The following LRRC4C variants were observed in gnomAD, a reference collection of about 807,000 sequenced individuals.
LRRC4C encodes leucine rich repeat containing 4C, also known as leucine-rich repeat-containing protein 4C.
Under a neutral mutation model 33.6 loss-of-function variants are expected in LRRC4C, and 5 were observed. The observed-to-expected ratio is 0.15, with a 90% confidence interval of 0.08 to 0.31. The LOEUF is 0.31. Ranked by LOEUF, LRRC4C falls within the 10% of genes least tolerant of loss-of-function variation. LRRC4C has a pLI of 1.00. For synonymous variants in LRRC4C, 329 were observed against 302.0 expected, an observed-to-expected ratio of 1.09 and a Z score of -0.93; for missense variants, 560 against 796.7, an observed-to-expected ratio of 0.70 and a Z score of 3.58.
chr11:40,640,990 C>T (rs1360865521), intron 3 of LRRC4C, among the ~76,000 whole-genome samples: 4 of 137,236 alleles, frequency 2.9e-5, no homozygotes, highest in African/African-American at 1.1e-4. Context: ...CACTCCAGCC[C>T]GCGCTACAGA....
intron 1 of LRRC4C, among the ~76,000 whole-genome samples, chr11:41,328,057 C>T (rs886168247): frequency 2.0e-5 from 3 of 152,152 alleles, no homozygotes; most frequent in African/African-American, 7.2e-5. Flanking sequence ...ACAGGTAGTT[C>T]CCTGTGAATG....
intron 5 of LRRC4C, among the ~76,000 whole-genome samples, chr11:40,176,480 G>T (rs559944792): frequency 2.0e-5 from 3 of 151,340 alleles, no homozygotes; most frequent in African/African-American, 7.3e-5. Context: ...TAAAGCAAGG[G>T]ATAAAATAAT....
At chr11:41,209,729 G>A (rs1039767581) in intron 1 of LRRC4C, among the ~76,000 whole-genome samples, 2 of 152,136 alleles carry the variant, frequency 1.3e-5, no homozygotes, top group South Asian at 2.1e-4. Flanking sequence ...GGACTGTTGG[G>A]AGGGGGTGAA....
chr11:41,303,172 C>A (rs1413757360), intron 1 of LRRC4C, among the ~76,000 whole-genome samples: 3 of 148,102 alleles, frequency 2.0e-5, no homozygotes. Context: ...GTACTGCTGC[C>A]ATCTCGGCTC....
chr11:40,423,502 G>A (rs898790397), intron 3 of LRRC4C, among the ~76,000 whole-genome samples: 141 of 151,832 alleles, frequency 9.3e-4, no homozygotes, highest in Non-Finnish European at 6.2e-4. Context: ...CCGCTACCAC[G>A]CCCGGCTAAT....
At chr11:40,445,045 C>T (rs1951568237) in intron 3 of LRRC4C, among the ~76,000 whole-genome samples, 1 of 152,126 alleles carries the variant, frequency 6.6e-6, no homozygotes, top group African/African-American at 2.4e-5. Flanking sequence ...ACCTTCATCC[C>T]CACAAGGCAT....
At chr11:40,361,107 G>C (rs1000767987) in intron 3 of LRRC4C, among the ~76,000 whole-genome samples, 4 of 152,088 alleles carry the variant, frequency 2.6e-5, no homozygotes, top group African/African-American at 9.7e-5. Context: ...AAAATAATAA[G>C]AGCCATGTAT....
intron 1 of LRRC4C, among the ~76,000 whole-genome samples, chr11:41,227,773 A>G (rs1350069069): frequency 1.3e-5 from 2 of 152,124 alleles, no homozygotes; most frequent in Admixed American, 1.3e-4. Flanking sequence ...CTCAGAGTGA[A>G]AGCCATTATT....
intron 3 of LRRC4C, among the ~76,000 whole-genome samples, chr11:40,568,945 T>G (rs1446764806): frequency 6.6e-6 from 1 of 152,176 alleles, no homozygotes; most frequent in Non-Finnish European, 1.5e-5. Context: ...GAGTTCAATA[T>G]GGGAAAATAC....
chr11:41,390,052 C>T (rs189427072), intron 1 of LRRC4C, among the ~76,000 whole-genome samples: 14 of 151,972 alleles, frequency 9.2e-5, no homozygotes, highest in Admixed American at 3.3e-4. Context: ...CTGAGTATGT[C>T]TATCCAGAAC....
At chr11:40,979,050 A>T (rs1459306946) in intron 1 of LRRC4C, among the ~76,000 whole-genome samples, 1 of 152,094 alleles carries the variant, frequency 6.6e-6, no homozygotes, top group African/African-American at 2.4e-5. Flanking sequence ...TAATCTGTAC[A>T]TTGTCCCCTC....
intron 5 of LRRC4C, among the ~76,000 whole-genome samples, chr11:40,148,006 G>T (rs1207719179): frequency 2.0e-5 from 3 of 152,076 alleles, no homozygotes; most frequent in Admixed American, 6.6e-5. Flanking sequence ...TTGGTTTTCT[G>T]TTCCTGTGCT....
In LRRC4C at chr11:40,427,596, G is replaced by A. The variant is rs1950763380; in HGVS notation, c.-269-107875C>T. The stretch of plus-strand genomic sequence containing the variant: ...TAATCCCAGCATTTTGGGAAGTCAA[G>A]GCGGGTGAATTGCTTAAGGCCAGGA... On this transcript the variant is annotated intron_variant, in intron 3 of 6. Transcript: ENST00000528697. Among the ~76,000 whole-genome samples the A allele has an allele frequency of 1.3e-5, 2 of 152,230 alleles. 1 individual carries two copies. Among genetic ancestry groups the A allele is most frequent in the South Asian group, 4.1e-4 (2 of 4,838 alleles).
rs947239294 is a variant in LRRC4C, at chr11:41,300,750, A to G, written c.-496+158681T>C. Among the ~76,000 whole-genome samples, 23 of 152,174 alleles carry G rather than the reference A, an allele frequency of 1.5e-4. 1 individual carries two copies. Among genetic ancestry groups the G allele is most frequent in the Admixed American group, 1.2e-3 (19 of 15,276 alleles). Reference sequence around the variant, plus strand: ...CTTAACTATGTCCATTAGTCCAAAGAGTCAGCAATCATGTATCTAATTAGC... The same window carrying G: ...CTTAACTATGTCCATTAGTCCAAAGGGTCAGCAATCATGTATCTAATTAGC... On this transcript the variant is annotated intron_variant, in intron 1 of 6. Transcript: ENST00000528697.
intron 4 of LRRC4C, among the ~76,000 whole-genome samples, chr11:40,279,572 C>T (rs1325180815): frequency 6.6e-6 from 1 of 152,124 alleles, no homozygotes; most frequent in African/African-American, 2.4e-5. Flanking sequence ...TTTCCATGTG[C>T]CAAGCACTTT....
chr11:40,359,954 T>A (rs2137159189), intron 3 of LRRC4C, among the ~76,000 whole-genome samples: 1 of 152,284 alleles, frequency 6.6e-6, no homozygotes, highest in African/African-American at 2.4e-5. Flanking sequence ...ATAGGGCAAG[T>A]TTTTGAGAGC....
At chr11:40,857,425 A>G (rs1358507076) in intron 2 of LRRC4C, among the ~76,000 whole-genome samples, 1 of 151,984 alleles carries the variant, frequency 6.6e-6, no homozygotes, top group Non-Finnish European at 1.5e-5. Context: ...TTCAGCTCCC[A>G]CTTACAAATG....
chr11:40,240,806 T>C (rs1396720738), intron 5 of LRRC4C, among the ~76,000 whole-genome samples: 1 of 152,022 alleles, frequency 6.6e-6, no homozygotes, highest in Non-Finnish European at 1.5e-5. Context: ...TAATATTAAA[T>C]ATATATTATA....
intron 4 of LRRC4C, among the ~76,000 whole-genome samples, chr11:40,283,157 G>A (rs1231964984): frequency 6.6e-6 from 1 of 152,158 alleles, no homozygotes; most frequent in Non-Finnish European, 1.5e-5. Flanking sequence ...CCTACAGTAA[G>A]CCTATGAGAA....
Sources: allele counts gnomAD v4.1 joint callset (sites outside exome capture counted in the v4.1 genomes callset), GRCh38; gene constraint gnomAD v4.1.1; transcripts MANE v1.5; gene names NCBI Gene and HGNC (gene_info 2026-07-23, HGNC 2026-07-21).